WLS: variants seen among roughly 807,000 people sequenced by gnomAD.
WLS encodes protein wntless homolog.
Under a neutral mutation model 62.8 loss-of-function variants are expected in WLS, and 23 were observed. That is an observed-to-expected ratio of 0.37 (90% CI 0.26 to 0.52). The LOEUF (loss-of-function observed/expected upper bound fraction) is 0.52. WLS is among the 20% of genes least tolerant of loss of function. The probability of loss-of-function intolerance (pLI) is 0.92; values close to 1 mark genes in which losing one functional copy is unlikely to be tolerated. For missense variants in WLS, 615 were observed against 697.3 expected, an observed-to-expected ratio of 0.88 and a Z score of 1.33; for synonymous variants, 246 against 244.1, an observed-to-expected ratio of 1.01 and a Z score of -0.07.
intron 2 of WLS, among the ~76,000 whole-genome samples, chr1:68,193,573 A>T (rs1358069940): frequency 1.3e-5 from 2 of 151,990 alleles, no homozygotes; most frequent in Non-Finnish European, 2.9e-5. Flanking sequence ...AAAAAAATAA[A>T]AACCTTTCAG....
intron 2 of WLS, among the ~76,000 whole-genome samples, chr1:68,174,923 G>A (rs1025065011): frequency 1.3e-5 from 2 of 152,158 alleles, no homozygotes; most frequent in Non-Finnish European, 2.9e-5. Context: ...GTAAGATAAG[G>A]GCTGTGTTAC....
intron 2 of WLS, among the ~76,000 whole-genome samples, chr1:68,165,255 G>A (rs1182563105): frequency 1.3e-5 from 2 of 152,252 alleles, no homozygotes; most frequent in East Asian, 3.9e-4. Context: ...TTAGACACAG[G>A]CAAGAGGGGC....
chr1:68,148,663 G>A lies in WLS; in HGVS notation c.973-3C>T, dbSNP rs1399209398. 4 of 1,613,222 alleles carry A rather than the reference G, an allele frequency of 2.5e-6. No homozygotes were observed. The East Asian group carries it at 8.9e-5, about 36-fold the overall frequency. On this transcript the variant is annotated splice_polypyrimidine_tract_variant and splice_region_variant and intron_variant, in intron 6 of 11. Transcript: ENST00000262348. ...ATGTGGTTCCGCTCGTGCTGATCCT[G>A]AGGAAAACCAAATTGAGAAGGGAGA...
At chr1:68,138,031 T>G in intron 10 of WLS, 98 bp from the exon 11 acceptor site, 3 of 1,446,762 alleles carry the variant, frequency 2.1e-6, no homozygotes, top group Non-Finnish European at 2.8e-6. Flanking sequence ...ACCAAGTCTC[T>G]TCTACATGTG....
At chr1:68,105,379 C>T (rs1404239147) in intron 11 of WLS, among the ~76,000 whole-genome samples, 1 of 152,166 alleles carries the variant, frequency 6.6e-6, no homozygotes, top group African/African-American at 2.4e-5. Flanking sequence ...TAAAAATAGA[C>T]ACAATTTGCT....
At chr1:68,102,247 C>T (rs1310999442) in intron 11 of WLS, among the ~76,000 whole-genome samples, 1 of 130,198 alleles carries the variant, frequency 7.7e-6, no homozygotes, top group African/African-American at 4.5e-5. Flanking sequence ...TTTCCTGCCC[C>T]TTCCTCTTTT....
chr1:68,166,955 A>T (rs931738393), intron 2 of WLS, among the ~76,000 whole-genome samples: 2 of 152,184 alleles, frequency 1.3e-5, no homozygotes, highest in African/African-American at 4.8e-5. Context: ...ACATAAAAAA[A>T]TAGAAATCAC....
chr1:68,165,844 C>G (rs556370122), intron 2 of WLS, among the ~76,000 whole-genome samples: 2 of 152,242 alleles, frequency 1.3e-5, no homozygotes, highest in East Asian at 3.9e-4. Context: ...AGTTTGCTGG[C>G]CTGATTTATC....
intron 2 of WLS, among the ~76,000 whole-genome samples, chr1:68,176,550 T>C (rs1036307314): frequency 2.0e-5 from 3 of 152,226 alleles, no homozygotes; most frequent in African/African-American, 7.2e-5. Context: ...CAATTCCTTT[T>C]CTTAAGAAAC....
chr1:68,132,441 C>A (rs1466668757), intron 11 of WLS, among the ~76,000 whole-genome samples: 1 of 152,146 alleles, frequency 6.6e-6, no homozygotes, highest in East Asian at 1.9e-4. Context: ...AGGGGGCAAC[C>A]AATGTCAGGG....
intron 11 of WLS, among the ~76,000 whole-genome samples, chr1:68,103,737 TGCCCAGCATCATCCCC>T (rs1179542954): frequency 6.6e-6 from 1 of 152,150 alleles, no homozygotes; most frequent in Non-Finnish European, 1.5e-5. Context: ...TTTGGAGGCG[TGCCCAGCATCATCCCC>T]GCCAAGCCTT....
chr1:68,178,705 C>CAAAAAAAAAAAAAAAAAA (rs376126398), intron 2 of WLS, among the ~76,000 whole-genome samples: 11 of 108,206 alleles, frequency 1.0e-4, no homozygotes, highest in Non-Finnish European at 1.4e-4. Context: ...GACTACATTT[C>CAAAAAAAAAAAAAAAAAA]AAAAAAAAAA....
intron 1 of WLS, among the ~76,000 whole-genome samples, chr1:68,198,337 C>CT (rs1318759672): frequency 1.3e-5 from 2 of 152,094 alleles, no homozygotes; most frequent in Non-Finnish European, 2.9e-5. Flanking sequence ...GAATTCAGTT[C>CT]TTTTTACTTT....
At chr1:68,219,468 A>G (rs924554605) in intron 1 of WLS, among the ~76,000 whole-genome samples, 2 of 152,226 alleles carry the variant, frequency 1.3e-5, no homozygotes, top group East Asian at 3.9e-4. Context: ...TTTATGTTCA[A>G]GTGAATAATA....
intron 10 of WLS, among the ~76,000 whole-genome samples, chr1:68,138,720 TGCTGA>T (rs1204219420): frequency 1.3e-5 from 2 of 152,214 alleles, no homozygotes; most frequent in Admixed American, 6.5e-5. Context: ...TCAACAGAGC[TGCTGA>T]GCTAAGTGAC....
intron 8 of WLS, among the ~76,000 whole-genome samples, chr1:68,147,072 C>G (rs1258042676): frequency 6.6e-6 from 1 of 152,018 alleles, no homozygotes; most frequent in Non-Finnish European, 1.5e-5. Flanking sequence ...TTTTTAAAAG[C>G]ATTTAATAAG....
In WLS at chr1:68,145,908, G is replaced by A. The variant is rs374389935; in HGVS notation, c.1239C>T (p.Ser413=). ...GCCGGACTTTGCTCATAGCTGGCAGGCTGGACTGCTTCCCACTGATGTTCC... is the reference window on the plus strand; with the variant it reads ...GCCGGACTTTGCTCATAGCTGGCAGACTGGACTGCTTCCCACTGATGTTCC... ...VFRNISGKQS[S]LPAMSKVRRL... The change falls in exon 9 of 12, where the codon AGC becomes AGT. Residue 413 remains serine (S), a synonymous_variant. Coordinates refer to ENST00000262348, the MANE Select transcript of WLS (RefSeq NM_024911.7). 2 of 1,614,168 alleles carry A rather than the reference G, an allele frequency of 1.2e-6. No homozygotes were observed. Among genetic ancestry groups the A allele is most frequent in the East Asian group, 4.5e-5 (2 of 44,874 alleles).
Position 68,196,669 on chromosome 1 carries a change from C to A in WLS, c.107-2442G>T, listed in dbSNP as rs146161875. On this transcript the variant is annotated intron_variant, in intron 1 of 11. Coordinates refer to ENST00000262348, the MANE Select transcript of WLS (RefSeq NM_024911.7). ...GAAGTTAGGACAATGCCTATTAATA[C>A]TTACCAGAAAACTCAACACTACTAA... 4.6e-3 allele frequency among the ~76,000 whole-genome samples: 707 copies of A among 152,196 alleles called. 8 individuals carry two copies. Among genetic ancestry groups the A allele is most frequent in the Non-Finnish European group, 6.9e-3 (466 of 67,958 alleles).
intron 1 of WLS, among the ~76,000 whole-genome samples, chr1:68,220,974 AG>A (rs1317379464): frequency 6.6e-6 from 1 of 152,188 alleles, no homozygotes; most frequent in African/African-American, 2.4e-5. Flanking sequence ...TTTTTCAAGA[AG>A]TAGGTGGGGG....
Sources: gnomAD v4.1 joint callset for allele counts (sites outside exome capture counted in the v4.1 genomes callset) on GRCh38, gnomAD v4.1.1 for gene constraint, MANE v1.5 for transcripts, NCBI Gene and HGNC (gene_info 2026-07-23, HGNC 2026-07-21) for gene names.